The following FBXO25 variants were observed in gnomAD, a reference collection of about 807,000 sequenced individuals.
The protein encoded by FBXO25 is F-box only protein 25.
In FBXO25, 45 loss-of-function variants were observed where a neutral mutation model predicts 51.9. The observed-to-expected ratio is 0.87, with a 90% CI of 0.68 to 1.11. The LOEUF (loss-of-function observed/expected upper bound fraction) is 1.11. Ranked by LOEUF, FBXO25 falls within the 50% of genes most tolerant of loss-of-function variation. The probability of loss-of-function intolerance (pLI) is 0.00; values close to 1 mark genes in which losing one functional copy is unlikely to be tolerated. For synonymous variants in FBXO25, 199 were observed against 151.0 expected, an observed-to-expected ratio of 1.32 and a Z score of -2.33; for missense variants, 507 against 428.5, an observed-to-expected ratio of 1.18 and a Z score of -1.62.
intron 2 of FBXO25, among the ~76,000 whole-genome samples, chr8:414,154 T>C (rs944017297): frequency 9.9e-5 from 15 of 152,250 alleles, no homozygotes; most frequent in African/African-American, 3.6e-4. Flanking sequence ...TTTTCCATTT[T>C]AGTTACAGTG....
rs932586891 is a variant in FBXO25 at position 476,743 on chromosome 8, C to G, written c.*7939C>G. 1.3e-5 allele frequency: 2 copies of G among 152,124 alleles called. No homozygotes were observed. Among genetic ancestry groups the G allele is most frequent in the Non-Finnish European group, 2.9e-5 (2 of 68,006 alleles). 9.4% of individuals were successfully genotyped at this position (152,124 alleles called of 1,614,324 possible). ...TTTCTTAGTCACTCTTAGCTATCAACAAACTCTTGGTTTCATTTATTTTTC... is the reference window on the plus strand; with the variant it reads ...TTTCTTAGTCACTCTTAGCTATCAAGAAACTCTTGGTTTCATTTATTTTTC... On this transcript the variant is annotated 3_prime_UTR_variant, in exon 10 of 10. Transcript: ENST00000350302.
At chr8:440,263 A>C (rs1407460815) in intron 5 of FBXO25, among the ~76,000 whole-genome samples, 1 of 152,244 alleles carries the variant, frequency 6.6e-6, no homozygotes, top group Non-Finnish European at 1.5e-5. Context: ...TAGAAAGATT[A>C]GATTAGTTCC....
At chr8:416,596 T>G (rs2117456468) in intron 2 of FBXO25, among the ~76,000 whole-genome samples, 1 of 152,256 alleles carries the variant, frequency 6.6e-6, no homozygotes, top group South Asian at 2.1e-4. Context: ...AGGACACAGC[T>G]TTCCCCACCC....
intron 2 of FBXO25, chr8:420,275 C>T (rs1164382796): frequency 6.6e-6 from 1 of 152,174 alleles, no homozygotes; most frequent in Non-Finnish European, 1.5e-5. Context: ...AGAACAATCA[C>T]GAAGCATCCC....
intron 5 of FBXO25, among the ~76,000 whole-genome samples, chr8:439,536 A>C (rs932682991): frequency 1.1e-4 from 17 of 152,254 alleles, no homozygotes; most frequent in African/African-American, 3.1e-4. Context: ...ATCCAGTGTC[A>C]CATACTTCCA....
intron 1 of FBXO25, among the ~76,000 whole-genome samples, chr8:408,652 A>G (rs1425414875): frequency 1.3e-5 from 2 of 152,230 alleles, no homozygotes; most frequent in African/African-American, 2.4e-5. Flanking sequence ...AAGAAAAAAT[A>G]TGCTTGTTGA....
chr8:464,102 G>T (rs1799995225), intron 9 of FBXO25, among the ~76,000 whole-genome samples: 1 of 152,090 alleles, frequency 6.6e-6, no homozygotes, highest in Non-Finnish European at 1.5e-5. Context: ...CTGAGTAGCT[G>T]GGACCAGCTG....
chr8:445,069 T>C (rs1250151058), intron 5 of FBXO25, among the ~76,000 whole-genome samples: 1 of 152,244 alleles, frequency 6.6e-6, no homozygotes, highest in African/African-American at 2.4e-5. Context: ...ACAGTTTCTT[T>C]GTTAATTGTC....
At chr8:467,314 G>A (rs868429399) in intron 9 of FBXO25, among the ~76,000 whole-genome samples, 1 of 152,178 alleles carries the variant, frequency 6.6e-6, no homozygotes, top group Non-Finnish European at 1.5e-5. Flanking sequence ...GCCTTCGGAT[G>A]TTAAATGAAG....
At chr8:450,807 G>A (rs1799033260) in intron 6 of FBXO25, 1 of 153,062 alleles carries the variant, frequency 6.5e-6, no homozygotes, top group Admixed American at 6.5e-5. Flanking sequence ...ATACAGTTCA[G>A]CGGCATTAAG....
At chr8:414,447 A>G (rs1209977130) in intron 2 of FBXO25, among the ~76,000 whole-genome samples, 1 of 152,226 alleles carries the variant, frequency 6.6e-6, no homozygotes, top group East Asian at 1.9e-4. Flanking sequence ...GGATGGGGAG[A>G]TATATTACAG....
intron 9 of FBXO25, among the ~76,000 whole-genome samples, chr8:467,522 A>G (rs1015415861): frequency 3.3e-5 from 5 of 152,206 alleles, no homozygotes; most frequent in African/African-American, 1.2e-4. Flanking sequence ...TTTTTGGGTT[A>G]TCTGATGAGA....
intron 2 of FBXO25, among the ~76,000 whole-genome samples, chr8:429,015 T>G (rs1797660390): frequency 1.3e-5 from 2 of 152,194 alleles, no homozygotes; most frequent in African/African-American, 4.8e-5. Context: ...CATACAAGTA[T>G]CTCTTTCATT....
At chr8:410,084 G>A (rs563645673) in intron 1 of FBXO25, among the ~76,000 whole-genome samples, 24 of 152,124 alleles carry the variant, frequency 1.6e-4, no homozygotes, top group Admixed American at 2.0e-4. Flanking sequence ...GCTTCAGGGC[G>A]AAGATCGAGT....
At chr8:446,500 C>T (rs911936794) in intron 5 of FBXO25, among the ~76,000 whole-genome samples, 2 of 152,230 alleles carry the variant, frequency 1.3e-5, no homozygotes, top group African/African-American at 4.8e-5. Flanking sequence ...GAATCTGAAT[C>T]GCATCCGCCA....
rs1000894196 is a variant in FBXO25 at position 471,653 on chromosome 8, G to C, written c.*2849G>C. Reference sequence around the variant, plus strand: ...CAGTCTGCGCTGCTCACTCAGGGCTGGTGTCTCTTGACACCCAGTTACAAC... The same window carrying C: ...CAGTCTGCGCTGCTCACTCAGGGCTCGTGTCTCTTGACACCCAGTTACAAC... On this transcript the variant is annotated 3_prime_UTR_variant, in exon 10 of 10. Coordinates refer to ENST00000350302, the MANE Select transcript of FBXO25 (RefSeq NM_183420.2). 12 of 152,156 alleles carry C rather than the reference G, an allele frequency of 7.9e-5. No individual in the cohort carries two copies. 9.4% of individuals were successfully genotyped at this position (152,156 alleles called of 1,614,324 possible).
chr8:476,202 C>A lies in FBXO25; in HGVS notation c.*7398C>A, dbSNP rs1357892836. On this transcript the variant is annotated 3_prime_UTR_variant, in exon 10 of 10. Transcript: ENST00000350302. ...GAGCATGTTGAAACATCTTTGCATA[C>A]CAGCTGTAAATCTTACTTGGCCATG... The A allele has an allele frequency of 6.6e-6, 1 of 152,084 alleles. No individual in the cohort carries two copies. The highest frequency in any genetic ancestry group is 1.9e-4 in the East Asian group (1 of 5,194). 9.4% of individuals were successfully genotyped at this position (152,084 alleles called of 1,614,324 possible).
intron 2 of FBXO25, among the ~76,000 whole-genome samples, chr8:415,126 G>C (rs576568696): frequency 6.6e-6 from 1 of 152,146 alleles, no homozygotes; most frequent in African/African-American, 2.4e-5. Context: ...ATGTCTTTGA[G>C]AAACATAGTA....
intron 2 of FBXO25, among the ~76,000 whole-genome samples, chr8:414,825 A>T (rs988634426): frequency 1.3e-5 from 2 of 152,154 alleles, no homozygotes; most frequent in African/African-American, 4.8e-5. Flanking sequence ...ACTAGTCAGC[A>T]CCACCTTTTA....
Sources: allele counts gnomAD v4.1 joint callset (sites outside exome capture counted in the v4.1 genomes callset), GRCh38; gene constraint gnomAD v4.1.1; transcripts MANE v1.5; gene names NCBI Gene and HGNC (gene_info 2026-07-23, HGNC 2026-07-21).